The following MAPK10 variants were observed in gnomAD, a reference collection of about 807,000 sequenced individuals.
MAPK10 encodes the protein mitogen-activated protein kinase 10.
MAPK10 carries 25 observed loss-of-function variants against 59.3 expected under a neutral mutation model. The observed-to-expected ratio is 0.42, with a 90% CI of 0.31 to 0.59. The LOEUF (loss-of-function observed/expected upper bound fraction) is 0.59. Among genes scored for constraint, MAPK10 ranks in the 20% least tolerant of loss-of-function variants. The pLI, the probability that MAPK10 is intolerant of heterozygous loss-of-function variation, is 0.15. For synonymous variants in MAPK10, 190 were observed against 200.5 expected (o/e 0.95, Z 0.44); for missense variants, 351 against 568.9 (o/e 0.62, Z 3.90).
At chr4:86,098,411 CA>C in intron 9 of MAPK10, 112 bp downstream of exon 9, 1 of 1,508,110 alleles carries the variant, frequency 6.6e-7, no homozygotes, top group Non-Finnish European at 9.0e-7. Context: ...ATTACAATAA[CA>C]CCACTTACCC....
intron 3 of MAPK10, among the ~76,000 whole-genome samples, chr4:86,173,898 A>C (rs1488293097): frequency 6.6e-6 from 1 of 152,234 alleles, no homozygotes; most frequent in Non-Finnish European, 1.5e-5. Flanking sequence ...TATTAGAGAA[A>C]TGCAAATCAA....
intron 4 of MAPK10, among the ~76,000 whole-genome samples, chr4:86,155,207 T>C (rs6822478): frequency 0.8 from 122,060 of 151,828 alleles, 49,685 homozygotes; most frequent in East Asian, 0.89. Flanking sequence ...CAAAGAAGAA[T>C]ATGTGAACAC....
At position 86,504,303 on chromosome 4, in the gene MAPK10, C is replaced by T. The variant is rs193225237; in HGVS notation, c.-263+89607G>A. Among the ~76,000 whole-genome samples the T allele has an allele frequency of 1.4e-3, 212 of 152,184 alleles. 1 individual carries two copies. The highest frequency in any genetic ancestry group is 4.6e-3 in the African/African-American group (190 of 41,530). ...GAGTCTCACAGAATGAACCTCTCTA[C>T]AGAAATCCTATGCTAGCCCAGTGAA... On this transcript the variant is annotated intron_variant, in intron 1 of 4. Coordinates refer to the MAPK10 transcript ENST00000502302.
At chr4:86,158,595 G>T (rs10003556) in intron 4 of MAPK10, among the ~76,000 whole-genome samples, 49,018 of 151,582 alleles carry the variant, frequency 0.32, 11,009 homozygotes, top group African/African-American at 0.64. Context: ...GATTAAAAAT[G>T]ATTATACTAA....
intron 1 of MAPK10, among the ~76,000 whole-genome samples, chr4:86,473,990 A>C (rs1752870718): frequency 6.6e-6 from 1 of 152,226 alleles, no homozygotes; most frequent in Non-Finnish European, 1.5e-5. Flanking sequence ...TCTCTACCAA[A>C]AAAAAAAGAA....
intron 1 of MAPK10, among the ~76,000 whole-genome samples, chr4:86,489,070 A>C: frequency 6.6e-6 from 1 of 152,202 alleles, no homozygotes; most frequent in East Asian, 1.9e-4. Flanking sequence ...AAGATACTCT[A>C]GCCAACAGCC....
intron 2 of MAPK10, among the ~76,000 whole-genome samples, chr4:86,205,308 T>C (rs1171249088): frequency 1.3e-5 from 2 of 151,998 alleles, no homozygotes; most frequent in African/African-American, 2.4e-5. Flanking sequence ...TGGACTTATA[T>C]GCACTTAGCA....
At chr4:86,564,818 C>T (rs1221787083) in intron 1 of MAPK10, among the ~76,000 whole-genome samples, 1 of 152,118 alleles carries the variant, frequency 6.6e-6, no homozygotes, top group Non-Finnish European at 1.5e-5. Context: ...TTCAAGTGTA[C>T]AATCTCAAGC....
At chr4:86,146,577 G>A (rs140010158) in intron 4 of MAPK10, among the ~76,000 whole-genome samples, 3 of 152,202 alleles carry the variant, frequency 2.0e-5, no homozygotes, top group African/African-American at 4.8e-5. Flanking sequence ...AAAGGGAAAC[G>A]CACCACTTCC....
chr4:86,418,929 CA>C (rs1287933471), intron 1 of MAPK10, among the ~76,000 whole-genome samples: 1 of 152,100 alleles, frequency 6.6e-6, no homozygotes, highest in Non-Finnish European at 1.5e-5. Flanking sequence ...AATGGAAACC[CA>C]AATATCATAT....
chr4:86,052,999 T>TA (rs1405768298), intron 11 of MAPK10, among the ~76,000 whole-genome samples: 5 of 151,760 alleles, frequency 3.3e-5, no homozygotes, highest in Admixed American at 6.6e-5. Flanking sequence ...ATTTTTTTTT[T>TA]AAAAAGAAGA....
intron 13 of MAPK10, among the ~76,000 whole-genome samples, chr4:86,021,973 TC>T (rs1263193621): frequency 6.6e-6 from 1 of 152,206 alleles, no homozygotes; most frequent in Non-Finnish European, 1.5e-5. Flanking sequence ...CGGCCCGGGT[TC>T]CCGCTCGTGC....
intron 4 of MAPK10, among the ~76,000 whole-genome samples, chr4:86,116,332 C>T (rs992571608): frequency 9.9e-5 from 15 of 152,144 alleles, no homozygotes; most frequent in East Asian, 3.9e-4. Flanking sequence ...TGGGCTGATT[C>T]GATCCTCTAC....
At chr4:86,169,975 T>C (rs964611099) in intron 3 of MAPK10, among the ~76,000 whole-genome samples, 4 of 151,000 alleles carry the variant, frequency 2.6e-5, no homozygotes, top group Admixed American at 6.6e-5. Flanking sequence ...GCTTTATAAG[T>C]GAAGGAGAAA....
At chr4:86,367,065 C>T (rs1738017106) in intron 1 of MAPK10, among the ~76,000 whole-genome samples, 1 of 152,018 alleles carries the variant, frequency 6.6e-6, no homozygotes, top group Admixed American at 6.6e-5. Context: ...GAACGAGTTG[C>T]AAAAGAAAGA....
chr4:86,456,075 A>AAT (rs1751201128), upstream of MAPK10, among the ~76,000 whole-genome samples: 1 of 152,204 alleles, frequency 6.6e-6, no homozygotes, highest in Non-Finnish European at 1.5e-5. Context: ...CAAAACTGAA[A>AAT]TCAAGATGGA....
intron 2 of MAPK10, among the ~76,000 whole-genome samples, chr4:86,297,786 T>C (rs1025261661): frequency 1.7e-4 from 26 of 152,020 alleles, no homozygotes; most frequent in Non-Finnish European, 3.5e-4. Flanking sequence ...GCAAGAGTGA[T>C]CGATGTCAAA....
At chr4:86,083,476 C>T (rs565585553) in intron 9 of MAPK10, among the ~76,000 whole-genome samples, 14 of 152,200 alleles carry the variant, frequency 9.2e-5, no homozygotes, top group Admixed American at 5.2e-4. Context: ...CACCTGCCCA[C>T]GGAAGGAGCA....
chr4:86,123,443 T>C lies in MAPK10; in HGVS notation c.237-16091A>G, dbSNP rs193127673. Among the ~76,000 whole-genome samples the C allele has an allele frequency of 2.6e-5, 4 of 152,162 alleles. No individual in the cohort carries two copies. The East Asian group carries it at 7.7e-4, about 29-fold the overall frequency. ...GTAGGATTGCTGGAGCATATGGAAG[T>C]TGTAGTTTTAGTTTTTTGAGGAACT... On this transcript the variant is annotated intron_variant, in intron 4 of 13. Coordinates refer to ENST00000641462, the MANE Select transcript of MAPK10 (RefSeq NM_138982.4).
Sources: gnomAD v4.1 joint callset for allele counts (sites outside exome capture counted in the v4.1 genomes callset) on GRCh38, gnomAD v4.1.1 for gene constraint, MANE v1.5 for transcripts, NCBI Gene and HGNC (gene_info 2026-07-23, HGNC 2026-07-21) for gene names.